STRN3: variants seen among roughly 807,000 people sequenced by gnomAD.
STRN3 encodes striatin 3, also known as striatin-3.
Under a neutral mutation model 95.6 loss-of-function variants are expected in STRN3, and 29 were observed. The observed-to-expected ratio is 0.30, with a 90% confidence interval of 0.23 to 0.41. The LOEUF (loss-of-function observed/expected upper bound fraction) is 0.41. Ranked by LOEUF, STRN3 falls within the 10% of genes least tolerant of loss-of-function variation. The probability of loss-of-function intolerance (pLI) is 1.00; values close to 1 mark genes in which losing one functional copy is unlikely to be tolerated. For synonymous variants in STRN3, 331 were observed against 357.6 expected, an observed-to-expected ratio of 0.93 and a Z score of 0.84; for missense variants, 890 against 972.1, an observed-to-expected ratio of 0.92 and a Z score of 1.12.
At position 30,895,282 on chromosome 14, in the gene STRN3, G is replaced by A; in HGVS notation, c.*129C>T. 2 of 880,210 alleles carry A rather than the reference G, an allele frequency of 2.3e-6. No homozygotes were observed. The highest frequency in any genetic ancestry group is 3.3e-6 in the Non-Finnish European group (2 of 603,726). 54.5% of individuals were successfully genotyped at this position (880,210 alleles called of 1,614,324 possible). A position where few individuals can be genotyped will look rare whatever the true frequency, so the allele number is the denominator to read the frequency against. ...ATTAAGATGTGATTTCCACCAATTTGTGCCTGCCCCAGATAGCCTTCACCA... is the reference window on the plus strand; with the variant it reads ...ATTAAGATGTGATTTCCACCAATTTATGCCTGCCCCAGATAGCCTTCACCA... On this transcript the variant is annotated 3_prime_UTR_variant, in exon 18 of 18. Coordinates refer to ENST00000357479, the MANE Select transcript of STRN3 (RefSeq NM_001083893.2).
At chr14:30,952,124 C>A (rs56357434) in intron 3 of STRN3, among the ~76,000 whole-genome samples, 94,982 of 149,512 alleles carry the variant, frequency 0.64, 31,059 homozygotes, top group Non-Finnish European at 0.72. Context: ...TCTTAAACAA[C>A]AAAAAAAAAG....
Position 30,918,982 on chromosome 14 carries a change from A to G in STRN3, c.1224T>C (p.Gly408=). The change falls in exon 9 of 18, where the codon GGT becomes GGC. Residue 408 remains glycine, a synonymous_variant. Transcript: ENST00000357479. ...SASTRMTDHE[G]ARAEEAEPIT... The stretch of plus-strand genomic sequence containing the variant: ...ATTTTGTACCTTCCTCTGCTCTTGC[A>G]CCTTCATGATCAGTCATTCTAGTAG... 2 of 1,590,384 alleles carry G rather than the reference A, an allele frequency of 1.3e-6. No homozygotes were observed. The highest frequency in any genetic ancestry group is 1.7e-6 in the Non-Finnish European group (2 of 1,167,286).
At chr14:30,945,970 G>A (rs1429795405) in intron 5 of STRN3, among the ~76,000 whole-genome samples, 1 of 152,026 alleles carries the variant, frequency 6.6e-6, no homozygotes, top group African/African-American at 2.4e-5. Flanking sequence ...CTATTAAATC[G>A]TATTTTTTTA....
intron 8 of STRN3, among the ~76,000 whole-genome samples, chr14:30,924,391 G>T (rs150500338): frequency 1.4e-5 from 2 of 147,802 alleles, no homozygotes; most frequent in Admixed American, 6.9e-5. Flanking sequence ...GGGTTCAAGC[G>T]ATTCTCCTGC....
At chr14:30,900,258 G>A (rs1264071835) in intron 16 of STRN3, among the ~76,000 whole-genome samples, 1 of 151,448 alleles carries the variant, frequency 6.6e-6, no homozygotes, top group Non-Finnish European at 1.5e-5. Flanking sequence ...ACTCAGGAGG[G>A]TGAGCCGGGA....
chr14:30,956,083 T>C, intron 2 of STRN3, 56 bp downstream of exon 2: 1 of 1,463,104 alleles, frequency 6.8e-7, no homozygotes, highest in Non-Finnish European at 9.5e-7. Flanking sequence ...TACAATGGTA[T>C]ACATGAGTAT....
intron 5 of STRN3, among the ~76,000 whole-genome samples, chr14:30,940,176 G>A (rs1879027393): frequency 6.6e-6 from 1 of 152,016 alleles, no homozygotes; most frequent in Non-Finnish European, 1.5e-5. Context: ...GTTCCTTCCA[G>A]TGTTCTGTCC....
intron 1 of STRN3, among the ~76,000 whole-genome samples, chr14:30,971,171 C>G (rs1481376834): frequency 6.6e-6 from 1 of 152,198 alleles, no homozygotes; most frequent in African/African-American, 2.4e-5. Context: ...CTTGTTCATC[C>G]CCGAGCAGAT....
rs1879950839 is a variant in STRN3, at chr14:30,957,136, C to G, written c.283-894G>C. On this transcript the variant is annotated intron_variant, in intron 1 of 17. Coordinates refer to ENST00000357479, the MANE Select transcript of STRN3 (RefSeq NM_001083893.2). ...TGGTGCCACTGCATTCCAGCCTGGG[C>G]AACAGAGCGACACTCTGTCTCAAAA... 2.0e-5 allele frequency among the ~76,000 whole-genome samples: 3 copies of G among 150,624 alleles called. No homozygotes were observed. The Admixed American group carries it at 2.0e-4, about 10-fold the overall frequency.
intron 16 of STRN3, 97 bp from the exon 17 acceptor site, chr14:30,895,845 T>C: frequency 2.9e-6 from 3 of 1,035,952 alleles, no homozygotes; most frequent in Non-Finnish European, 2.8e-6. Flanking sequence ...ACAATCATTA[T>C]AGCAACTTTT....
Position 30,947,720 on chromosome 14 carries a change from TAG to T in STRN3, c.543-459_543-458del, listed in dbSNP as rs539527796. Reference sequence around the variant, plus strand: ...TAAGTTTAAACCTGGGGTTGTTAACTAGAGATTGATGAACACACTAATTCTCC... The same window carrying T: ...TAAGTTTAAACCTGGGGTTGTTAACTAGATTGATGAACACACTAATTCTCC... On this transcript the variant is annotated intron_variant, in intron 4 of 17. Transcript: ENST00000357479. 5.6e-4 allele frequency among the ~76,000 whole-genome samples: 86 copies of T among 152,306 alleles called. 1 individual carries two copies. The highest frequency in any genetic ancestry group is 5.6e-3 in the Admixed American group (86 of 15,292).
At position 31,001,564 on chromosome 14, in the gene STRN3, T is replaced by C. The variant is rs1882451756; in HGVS notation, c.282+24340A>G. Among the ~76,000 whole-genome samples the C allele has an allele frequency of 2.7e-5, 4 of 150,332 alleles. No individual in the cohort carries two copies. In the South Asian group the frequency reaches 8.3e-4, roughly 31 times the overall value. ...CTAAAAAAAAAAAAACTGAATGCCC[T>C]GAATTCACATTTTGAGAAAAGCACC... is the stretch of plus-strand genomic sequence containing the variant. On this transcript the variant is annotated intron_variant, in intron 1 of 17. Coordinates refer to ENST00000357479, the MANE Select transcript of STRN3 (RefSeq NM_001083893.2).
chr14:30,984,375 G>A (rs959118989), intron 1 of STRN3, among the ~76,000 whole-genome samples: 22 of 149,904 alleles, frequency 1.5e-4, no homozygotes, highest in Non-Finnish European at 2.8e-4. Context: ...CTGCACTCCA[G>A]CCTGGGCAAC....
chr14:31,005,453 G>A (rs1882672299), intron 1 of STRN3, among the ~76,000 whole-genome samples: 1 of 152,250 alleles, frequency 6.6e-6, no homozygotes, highest in South Asian at 2.1e-4. Flanking sequence ...GTAGCTACCT[G>A]TGGAAATACT....
chr14:30,994,168 G>C (rs938341621), intron 1 of STRN3, among the ~76,000 whole-genome samples: 8 of 151,922 alleles, frequency 5.3e-5, no homozygotes, highest in Non-Finnish European at 7.4e-5. Flanking sequence ...GAGCCACCAG[G>C]CCTGGCGAGA....
chr14:30,997,938 G>A (rs1454011603), intron 1 of STRN3, among the ~76,000 whole-genome samples: 1 of 152,214 alleles, frequency 6.6e-6, no homozygotes, highest in Non-Finnish European at 1.5e-5. Flanking sequence ...CCAAAGGATT[G>A]TGGCAATCCG....
At chr14:30,952,307 T>C (rs1353520869) in intron 3 of STRN3, among the ~76,000 whole-genome samples, 2 of 152,184 alleles carry the variant, frequency 1.3e-5, no homozygotes, top group Non-Finnish European at 2.9e-5. Flanking sequence ...ATACTGAATG[T>C]TGAAGACTCT....
rs186632728 is a variant in STRN3 at position 30,963,305 on chromosome 14, A to C, written c.283-7063T>G. On this transcript the variant is annotated intron_variant, in intron 1 of 17. Transcript: ENST00000357479. ...ACAACAAATCACCTAGCTCTAACAC[A>C]CATATGCAGAACACTTTACCCAACA... is the stretch of plus-strand genomic sequence containing the variant. Among the ~76,000 whole-genome samples, 210 of 152,344 alleles carry C rather than the reference A, an allele frequency of 1.4e-3. 3 individuals are homozygous for C. Among genetic ancestry groups the C allele is most frequent in the Admixed American group, 0.013 (194 of 15,300 alleles).
At chr14:31,023,875 A>G (rs1200789598) in intron 1 of STRN3, among the ~76,000 whole-genome samples, 2 of 151,970 alleles carry the variant, frequency 1.3e-5, no homozygotes, top group African/African-American at 4.8e-5. Flanking sequence ...TTTATTCCAA[A>G]AGAATCAGTA....
Sources: allele counts gnomAD v4.1 joint callset (sites outside exome capture counted in the v4.1 genomes callset), GRCh38; gene constraint gnomAD v4.1.1; transcripts MANE v1.5; gene names NCBI Gene and HGNC (gene_info 2026-07-23, HGNC 2026-07-21).